KIAA0232: variants seen among roughly 807,000 people sequenced by gnomAD.
KIAA0232 encodes the protein KIAA0232.
KIAA0232 carries 27 observed loss-of-function variants against 122.0 expected under a neutral mutation model. That is an observed-to-expected ratio of 0.22 (90% CI 0.16 to 0.31). The LOEUF (loss-of-function observed/expected upper bound fraction) is 0.31, where lower values mean the gene tolerates loss of function less well. KIAA0232 is among the 10% of genes least tolerant of loss of function. The pLI is 1.00. For synonymous variants in KIAA0232, 613 were observed against 587.6 expected, an observed-to-expected ratio of 1.04 and a Z score of -0.63; for missense variants, 1,551 against 1,634.2, an observed-to-expected ratio of 0.95 and a Z score of 0.88.
At chr4:6,791,825 C>G (rs189427788) in intron 1 of KIAA0232, among the ~76,000 whole-genome samples, 3 of 152,116 alleles carry the variant, frequency 2.0e-5, no homozygotes, top group East Asian at 3.9e-4. Context: ...CAGATTGATA[C>G]GGGTTGGCTG....
chr4:6,850,521 A>G (rs1354012246), intron 4 of KIAA0232, among the ~76,000 whole-genome samples: 2 of 152,150 alleles, frequency 1.3e-5, no homozygotes, highest in Non-Finnish European at 2.9e-5. Flanking sequence ...AATTTTTTCT[A>G]TATTGTTAAC....
intron 2 of KIAA0232, among the ~76,000 whole-genome samples, chr4:6,815,185 G>A (rs2108992315): frequency 6.6e-6 from 1 of 152,288 alleles, no homozygotes; most frequent in African/African-American, 2.4e-5. Context: ...TGAAATTTGA[G>A]TGTTTGCCAG....
intron 8 of KIAA0232, 104 bp downstream of exon 8, chr4:6,871,786 A>C: frequency 1.4e-6 from 1 of 736,348 alleles, no homozygotes; most frequent in Non-Finnish European, 2.3e-6. Context: ...ATTTACCAAG[A>C]GGTTTCTGTG....
chr4:6,817,081 T>C (rs756517339), intron 2 of KIAA0232, among the ~76,000 whole-genome samples: 2 of 152,144 alleles, frequency 1.3e-5, no homozygotes, highest in Non-Finnish European at 1.5e-5. Flanking sequence ...TTTTTTCTGC[T>C]TAGTTTAGGC....
chr4:6,835,508 T>G (rs1035760984), intron 3 of KIAA0232, among the ~76,000 whole-genome samples: 1 of 152,264 alleles, frequency 6.6e-6, no homozygotes, highest in Admixed American at 6.5e-5. Context: ...AGAGTACATA[T>G]GCACAATGTG....
intron 6 of KIAA0232, 52 bp from the exon 7 acceptor site, chr4:6,860,849 T>C: frequency 1.3e-6 from 2 of 1,487,140 alleles, no homozygotes; most frequent in East Asian, 4.5e-5. Context: ...TGTTTTACTG[T>C]ATCTAAAAAA....
chr4:6,880,278 A>C (rs1423125386), intron 9 of KIAA0232, among the ~76,000 whole-genome samples: 1 of 64,742 alleles, frequency 1.5e-5, no homozygotes, highest in East Asian at 2.9e-4. Context: ...GTACTGTGTC[A>C]CTGCAAACTC....
Position 6,832,473 on chromosome 4 carries a change from C to T in KIAA0232, c.231+7789C>T, listed in dbSNP as rs1019002178. Among the ~76,000 whole-genome samples the T allele has an allele frequency of 6.6e-5, 10 of 151,754 alleles. No homozygotes were observed. In the East Asian group the frequency reaches 1.2e-3, roughly 18 times the overall value. On this transcript the variant is annotated intron_variant, in intron 3 of 9. Transcript: ENST00000307659. ...AAGCGATTCTCCTGCCTCAGCCACCCGAGTAGCTGGCATTACAGGCGCCCA... is the reference window on the plus strand; with the variant it reads ...AAGCGATTCTCCTGCCTCAGCCACCTGAGTAGCTGGCATTACAGGCGCCCA...
intron 4 of KIAA0232, among the ~76,000 whole-genome samples, chr4:6,850,534 G>C (rs1720219747): frequency 6.6e-6 from 1 of 151,972 alleles, no homozygotes; most frequent in African/African-American, 2.4e-5. Context: ...TTGTTAACAT[G>C]ATCTTATAAT....
chr4:6,827,186 T>A (rs899946832), intron 3 of KIAA0232, among the ~76,000 whole-genome samples: 1 of 152,228 alleles, frequency 6.6e-6, no homozygotes, highest in Non-Finnish European at 1.5e-5. Context: ...AATACCTGTT[T>A]TAGTAAGACA....
intron 4 of KIAA0232, among the ~76,000 whole-genome samples, chr4:6,844,232 A>G (rs1194634668): frequency 6.6e-6 from 1 of 151,240 alleles, no homozygotes; most frequent in African/African-American, 2.4e-5. Context: ...GAGCCACCGC[A>G]CCCGACCAAG....
At chr4:6,814,069 A>G (rs905934123) in intron 2 of KIAA0232, among the ~76,000 whole-genome samples, 2 of 152,174 alleles carry the variant, frequency 1.3e-5, no homozygotes, top group Non-Finnish European at 2.9e-5. Context: ...GCAGTTGTGT[A>G]CTAGGTGTAC....
At chr4:6,836,885 C>T (rs910042669) in intron 3 of KIAA0232, among the ~76,000 whole-genome samples, 1 of 152,204 alleles carries the variant, frequency 6.6e-6, no homozygotes, top group African/African-American at 2.4e-5. Context: ...AGATTAACAG[C>T]ATCCCAAGGC....
chr4:6,869,313 C>G (rs774220350), intron 7 of KIAA0232, among the ~76,000 whole-genome samples: 59 of 152,220 alleles, frequency 3.9e-4, no homozygotes, highest in Non-Finnish European at 8.1e-4. Context: ...AAATAAGAAC[C>G]TGTTAACCTC....
intron 1 of KIAA0232, among the ~76,000 whole-genome samples, chr4:6,803,934 A>C (rs560638911): frequency 7.2e-5 from 11 of 152,268 alleles, no homozygotes; most frequent in Non-Finnish European, 1.5e-4. Context: ...TTTAATTAAC[A>C]TAAAATTCCA....
At chr4:6,788,783 C>T (rs932248012) in intron 1 of KIAA0232, among the ~76,000 whole-genome samples, 2 of 152,200 alleles carry the variant, frequency 1.3e-5, no homozygotes, top group Non-Finnish European at 2.9e-5. Context: ...ACGTGACACA[C>T]TCAGAACAGG....
At chr4:6,791,554 C>G (rs983445115) in intron 1 of KIAA0232, among the ~76,000 whole-genome samples, 5 of 151,926 alleles carry the variant, frequency 3.3e-5, no homozygotes, top group African/African-American at 1.2e-4. Flanking sequence ...TTCTGGAACT[C>G]CTGAACTCAA....
intron 4 of KIAA0232, among the ~76,000 whole-genome samples, chr4:6,842,932 G>C (rs1000895223): frequency 2.0e-5 from 3 of 151,958 alleles, no homozygotes; most frequent in Non-Finnish European, 4.4e-5. Flanking sequence ...ATGTTATGTG[G>C]GGTTTTTCAG....
intron 6 of KIAA0232, 40 bp from the exon 7 acceptor site, chr4:6,860,861 C>G (rs746863312): frequency 6.4e-7 from 1 of 1,552,406 alleles, no homozygotes; most frequent in Admixed American, 1.9e-5. Context: ...TCTAAAAAAT[C>G]TGCATACTCG....
Sources: gnomAD v4.1 joint callset for allele counts (sites outside exome capture counted in the v4.1 genomes callset) on GRCh38, gnomAD v4.1.1 for gene constraint, MANE v1.5 for transcripts, NCBI Gene and HGNC (gene_info 2026-07-23, HGNC 2026-07-21) for gene names.